Variants in TTBK1 observed in about 807,000 individuals in gnomAD.
TTBK1 encodes the protein tau tubulin kinase 1, also known as tau-tubulin kinase 1.
In TTBK1, 34 loss-of-function variants were observed where a neutral mutation model predicts 108.5. That is an observed-to-expected ratio of 0.31 (90% CI 0.24 to 0.42). The LOEUF (loss-of-function observed/expected upper bound fraction) is 0.42, where lower values mean the gene tolerates loss of function less well. TTBK1 is among the 10% of genes least tolerant of loss of function. The pLI, the probability that TTBK1 is intolerant of heterozygous loss-of-function variation, is 1.00. For synonymous variants in TTBK1, 809 were observed against 795.1 expected (o/e 1.02, Z -0.29); for missense variants, 1,539 against 1,826.0 (o/e 0.84, Z 2.86).
rs550758140 is a variant in TTBK1, at chr6:43,263,077, C to A, written c.1713C>A (p.Pro571=). ...PSTSGTTDEE[P]EELRPLPEEG... Reference sequence around the variant, plus strand: ...CATCGGGCACCACGGATGAGGAGCCCGAGGAGCTGCGGCCACTGCCCGAGG... The same window carrying A: ...CATCGGGCACCACGGATGAGGAGCCAGAGGAGCTGCGGCCACTGCCCGAGG... Residue 571 remains proline, a synonymous_variant, in exon 13 of 15, where the codon CCC becomes CCA. Coordinates refer to ENST00000259750, the MANE Select transcript of TTBK1 (RefSeq NM_032538.3). The surrounding 1 kb of genome is among the most constrained non-coding windows in gnomAD (Gnocchi z 4.7). 2 of 1,573,538 alleles carry A rather than the reference C, an allele frequency of 1.3e-6. No individual in the cohort carries two copies. Among genetic ancestry groups the A allele is most frequent in the East Asian group, 2.3e-5 (1 of 42,578 alleles).
intron 13 of TTBK1, among the ~76,000 whole-genome samples, chr6:43,267,894 G>C (rs1373229789): frequency 6.6e-6 from 1 of 152,198 alleles, no homozygotes; most frequent in Non-Finnish European, 1.5e-5. Context: ...GGGGCTGGGG[G>C]ACAAAGATGA....
chr6:43,269,887 C>T lies in TTBK1; in HGVS notation c.1986+6537C>T, dbSNP rs1258936561. 1 of 1,518,458 alleles carries T rather than the reference C, an allele frequency of 6.6e-7. No homozygotes were observed. The allele number at this position is 1,518,458 out of a possible 1,614,324, so 94.1% of individuals were successfully genotyped here. ...GCTGGCAACCACAGACTCATGCCCT[C>T]GGTGCTCCGCATCTCGCGGTCCCAG... On this transcript the variant is annotated intron_variant, in intron 13 of 14. Transcript: ENST00000259750. The surrounding 1 kb of genome is among the most constrained non-coding windows in gnomAD (Gnocchi z 4.8).
Position 43,282,707 on chromosome 6 carries a change from C to A in TTBK1, c.1987-20C>A. The stretch of plus-strand genomic sequence containing the variant: ...GGAGGGTGGGTGACCTCAGAGGGTC[C>A]CTGTGTATGCCCCTTGCAGGTGTTC... On this transcript the variant is annotated intron_variant, in intron 13 of 14. Transcript: ENST00000259750. This position sits in a 1 kb window ranked among gnomAD's most constrained non-coding sequence, Gnocchi z 5.4. The A allele has an allele frequency of 5.7e-6, 9 of 1,574,248 alleles. No homozygotes were observed. Among genetic ancestry groups the A allele is most frequent in the Non-Finnish European group, 7.8e-6 (9 of 1,160,416 alleles).
chr6:43,244,336 A>T (rs976253557), intron 1 of TTBK1, among the ~76,000 whole-genome samples: 1 of 152,108 alleles, frequency 6.6e-6, no homozygotes, highest in African/African-American at 2.4e-5. Context: ...CACCTTGCAG[A>T]GTTACACATC....
Position 43,283,486 on chromosome 6 carries a change from G to T in TTBK1, c.2746G>T (p.Val916Leu). 6.2e-7 allele frequency: 1 copy of T among 1,614,138 alleles called. No homozygotes were observed. Residue 916 changes from valine to leucine, a missense_variant, in exon 14 of 15, where the codon GTG becomes TTG. By Grantham distance (32) the Val-to-Leu change is conservative (BLOSUM62 1). Transcript: ENST00000259750. The surrounding 1 kb of genome is among the most constrained non-coding windows in gnomAD (Gnocchi z 8.1). ...AGTVTTGVGG[V>L]AVTSSPFTKV... is the part of the protein sequence containing the mutation. ...GACAGTGACCACAGGGGTCGGGGGCGTGGCAGTCACCTCCTCACCCTTCAC... is the reference window on the plus strand; with the variant it reads ...GACAGTGACCACAGGGGTCGGGGGCTTGGCAGTCACCTCCTCACCCTTCAC...
chr6:43,273,887 C>T lies in TTBK1; in HGVS notation c.1987-8840C>T, dbSNP rs1777894531. On this transcript the variant is annotated intron_variant, in intron 13 of 14. Transcript: ENST00000259750. This position sits in a 1 kb window ranked among gnomAD's most constrained non-coding sequence, Gnocchi z 4.2. ...CTGTGAGCCTGAGGACTTCCTGCACCACCCTCTGTCCAGGGCTGCAGCACT... is the reference window on the plus strand; with the variant it reads ...CTGTGAGCCTGAGGACTTCCTGCACTACCCTCTGTCCAGGGCTGCAGCACT... Among the ~76,000 whole-genome samples, 2 of 152,182 alleles carry T rather than the reference C, an allele frequency of 1.3e-5. No homozygotes were observed. Among genetic ancestry groups the T allele is most frequent in the Admixed American group, 6.5e-5 (1 of 15,276 alleles).
Position 43,266,180 on chromosome 6 carries a change from A to G in TTBK1, c.1986+2830A>G, listed in dbSNP as rs144812932. 2.0e-4 allele frequency among the ~76,000 whole-genome samples: 30 copies of G among 152,330 alleles called. No homozygotes were observed. In the East Asian group the frequency reaches 5.8e-3, roughly 29 times the overall value. Reference sequence around the variant, plus strand: ...GTTGGTTAGCACTCTGCCCCTGTGCATGTGCGTTTGTGTCAGCGGAGCTCG... The same window carrying G: ...GTTGGTTAGCACTCTGCCCCTGTGCGTGTGCGTTTGTGTCAGCGGAGCTCG... On this transcript the variant is annotated intron_variant, in intron 13 of 14. Coordinates refer to ENST00000259750, the MANE Select transcript of TTBK1 (RefSeq NM_032538.3).
At chr6:43,261,077 T>A (rs1217263943) in intron 12 of TTBK1, among the ~76,000 whole-genome samples, 1 of 152,186 alleles carries the variant, frequency 6.6e-6, no homozygotes. Context: ...AGCATAAATA[T>A]AAGACCCTAG....
chr6:43,244,797 G>C (rs551292527), intron 1 of TTBK1, among the ~76,000 whole-genome samples: 1 of 152,262 alleles, frequency 6.6e-6, no homozygotes, highest in African/African-American at 2.4e-5. Context: ...AGCTTCTGAA[G>C]GCCCCCTCCC....
At chr6:43,266,578 G>T (rs2756184) in intron 13 of TTBK1, among the ~76,000 whole-genome samples, 83,094 of 151,924 alleles carry the variant, frequency 0.55, 24,794 homozygotes, top group African/African-American at 0.8. Flanking sequence ...CGTTCCGAGA[G>T]CTGAGCTCTG....
At chr6:43,270,553 G>C in intron 13 of TTBK1, 8 of 985,680 alleles carry the variant, frequency 8.1e-6, no homozygotes, top group Non-Finnish European at 9.6e-6. Context: ...CTGTGACCTA[G>C]CGAGACTTTC....
Position 43,259,386 on chromosome 6 carries a change from C to T in TTBK1, c.1248+117C>T. The T allele has an allele frequency of 7.9e-7, 1 of 1,263,436 alleles. No homozygotes were observed. The highest frequency in any genetic ancestry group is 1.5e-5 in the South Asian group (1 of 65,802). 78.3% of individuals were successfully genotyped at this position (1,263,436 alleles called of 1,614,324 possible). A position where few individuals can be genotyped will look rare whatever the true frequency, so the allele number is the denominator to read the frequency against. On this transcript the variant is annotated intron_variant, in intron 11 of 14. Transcript: ENST00000259750. The surrounding 1 kb of genome is among the most constrained non-coding windows in gnomAD (Gnocchi z 6.7). Reference sequence around the variant, plus strand: ...CTGTCCCCGGCCATCTGCCTGCTTGCCCTGCCTCTGTTTCCCGGTCCCTCC... The same window carrying T: ...CTGTCCCCGGCCATCTGCCTGCTTGTCCTGCCTCTGTTTCCCGGTCCCTCC...
Position 43,253,389 on chromosome 6 carries a change from C to A in TTBK1, c.330+25C>A. ...GGTGAGTCCCCGTGGCCCATCCTCG[C>A]TCCCCTCTCTAAGAGCTTGGGCTGT... On this transcript the variant is annotated intron_variant, in intron 4 of 14. Transcript: ENST00000259750. The surrounding 1 kb of genome is among the most constrained non-coding windows in gnomAD (Gnocchi z 5.8). 2 of 1,612,978 alleles carry A rather than the reference C, an allele frequency of 1.2e-6. No individual in the cohort carries two copies. Among genetic ancestry groups the A allele is most frequent in the Non-Finnish European group, 8.5e-7 (1 of 1,179,106 alleles).
chr6:43,259,753 C>T lies in TTBK1; in HGVS notation c.1424+47C>T, dbSNP rs759655390. ...TGGTTGGGGCCCAAGGCCCTCTCCG[C>T]CTTCACGTGGCTGGTCTGGAGGAAA... On this transcript the variant is annotated intron_variant, in intron 12 of 14. Coordinates refer to ENST00000259750, the MANE Select transcript of TTBK1 (RefSeq NM_032538.3). The surrounding 1 kb of genome is among the most constrained non-coding windows in gnomAD (Gnocchi z 6.7). The T allele has an allele frequency of 2.7e-6, 4 of 1,478,780 alleles. No homozygotes were observed. The African/African-American group carries it at 5.7e-5, about 21-fold the overall frequency. The allele number at this position is 1,478,780 out of a possible 1,614,324, so 91.6% of individuals were successfully genotyped here.
chr6:43,270,646 C>A (rs1777807428), intron 13 of TTBK1: 2 of 985,272 alleles, frequency 2.0e-6, no homozygotes, highest in Non-Finnish European at 2.4e-6. Context: ...GCTGCCCCTC[C>A]CCCAAGACAC....
rs1367208005 is a variant in TTBK1, at chr6:43,285,881, G to A, written c.*505G>A. The A allele has an allele frequency of 6.5e-6, 1 of 152,776 alleles. No individual in the cohort carries two copies. The highest frequency in any genetic ancestry group is 1.9e-4 in the East Asian group (1 of 5,166). 9.5% of individuals were successfully genotyped at this position (152,776 alleles called of 1,614,324 possible). A position where few individuals can be genotyped will look rare whatever the true frequency, so the allele number is the denominator to read the frequency against. On this transcript the variant is annotated 3_prime_UTR_variant, in exon 15 of 15. Transcript: ENST00000259750. This position sits in a 1 kb window ranked among gnomAD's most constrained non-coding sequence, Gnocchi z 4.7. ...GCAGCCTCAAATTCCAGAAGTGGAG[G>A]CTCCAGCCTCCCCGCGAGGGTCCAG...
intron 2 of TTBK1, among the ~76,000 whole-genome samples, 200 bp from the exon 3 acceptor site, chr6:43,252,539 T>C (rs1412838838): frequency 4.6e-5 from 7 of 151,746 alleles, no homozygotes; most frequent in African/African-American, 1.5e-4. Flanking sequence ...AGACGTTTGT[T>C]TGAACACGGA....
At chr6:43,251,148 G>A (rs1777227438) in intron 2 of TTBK1, among the ~76,000 whole-genome samples, 1 of 152,308 alleles carries the variant, frequency 6.6e-6, no homozygotes, top group East Asian at 1.9e-4. Context: ...TTTCTGGAGT[G>A]AGTTCAATGG....
At chr6:43,251,435 C>T (rs2150683882) in intron 2 of TTBK1, among the ~76,000 whole-genome samples, 1 of 152,324 alleles carries the variant, frequency 6.6e-6, no homozygotes, top group East Asian at 1.9e-4. Flanking sequence ...ATCCTTCTTT[C>T]TTTTTCTTTT....
Sources: allele counts gnomAD v4.1 joint callset (sites outside exome capture counted in the v4.1 genomes callset), GRCh38; gene constraint gnomAD v4.1.1; non-coding constraint Gnocchi (gnomAD v3.1); transcripts MANE v1.5; gene names NCBI Gene and HGNC (gene_info 2026-07-23, HGNC 2026-07-21).